Variants in PPP1CB observed in about 807,000 individuals in gnomAD.
The protein encoded by PPP1CB is protein phosphatase 1 catalytic subunit beta, also known as serine/threonine-protein phosphatase PP1-beta catalytic subunit.
PPP1CB carries 2 observed loss-of-function variants against 43.7 expected under a neutral mutation model. The ratio of observed to expected loss-of-function variants is 0.05; its 90% CI spans 0.02 to 0.14. The LOEUF (loss-of-function observed/expected upper bound fraction) is 0.14, where lower values mean the gene tolerates loss of function less well. Ranked by LOEUF, PPP1CB falls within the 10% of genes least tolerant of loss-of-function variation. PPP1CB has a pLI of 1.00. For missense variants in PPP1CB, 84 were observed against 398.0 expected, an observed-to-expected ratio of 0.21 and a Z score of 6.71; for synonymous variants, 136 against 135.6, an observed-to-expected ratio of 1.00 and a Z score of -0.02.
intron 1 of PPP1CB, 123 bp downstream of exon 1, chr2:28,752,299 G>C: frequency 1.1e-6 from 1 of 950,872 alleles, no homozygotes; most frequent in Non-Finnish European, 1.5e-6. Flanking sequence ...CTCTGGGAGC[G>C]CGGCGCGGCG....
chr2:28,756,248 G>A (rs1666486402), intron 1 of PPP1CB, among the ~76,000 whole-genome samples: 1 of 152,208 alleles, frequency 6.6e-6, no homozygotes, highest in African/African-American at 2.4e-5. Flanking sequence ...AATATGAGTT[G>A]TAGAATATTA....
intron 1 of PPP1CB, among the ~76,000 whole-genome samples, chr2:28,758,386 AT>A (rs1232579005): frequency 1.3e-5 from 2 of 152,194 alleles, no homozygotes; most frequent in African/African-American, 2.4e-5. Flanking sequence ...CTGAAAGGTT[AT>A]TCTCGAATGT....
chr2:28,768,112 C>T lies in PPP1CB; in HGVS notation c.53-8739C>T, dbSNP rs78555942. Among the ~76,000 whole-genome samples the T allele has an allele frequency of 1.2e-3, 183 of 152,226 alleles. 1 individual carries two copies. The highest frequency in any genetic ancestry group is 2.3e-3 in the Non-Finnish European group (154 of 68,022). On this transcript the variant is annotated intron_variant, in intron 1 of 7. Coordinates refer to ENST00000395366, the MANE Select transcript of PPP1CB (RefSeq NM_002709.3). Reference sequence around the variant, plus strand: ...GCATAATCACATTTTGTGTGCCTCTCGGCAGCCATTCCATTGTTGAAGAGG... The same window carrying T: ...GCATAATCACATTTTGTGTGCCTCTTGGCAGCCATTCCATTGTTGAAGAGG...
chr2:28,768,405 A>G (rs72784012), intron 1 of PPP1CB, among the ~76,000 whole-genome samples: 2,910 of 152,318 alleles, frequency 0.019, 39 homozygotes, highest in Non-Finnish European at 0.028. Flanking sequence ...AGGTCCCTCT[A>G]AAGTCATTGA....
In PPP1CB at chr2:28,778,981, C is replaced by G; in HGVS notation, c.357C>G (p.Leu119=). Residue 119 remains leucine, a synonymous_variant, in exon 3 of 8, where the codon CTC becomes CTG. Transcript: ENST00000395366. ...YKIKYPENFF[L]LRGNHECASI... ...TCAAATATCCAGAGAACTTCTTTCT[C>G]TTAAGAGGAAACCATGAGTGTGCTA... 1 of 1,612,402 alleles carries G rather than the reference C, an allele frequency of 6.2e-7. No homozygotes were observed. Among genetic ancestry groups the G allele is most frequent in the African/African-American group, 1.3e-5 (1 of 75,030 alleles).
Position 28,800,118 on chromosome 2 carries a change from T to G in PPP1CB, c.*815T>G, listed in dbSNP as rs542586754. The stretch of plus-strand genomic sequence containing the variant: ...TTACCCAACTAGTTGGTAATGTGAT[T>G]ATGTGGTACCTTGGCTTTAGGTTTT... On this transcript the variant is annotated 3_prime_UTR_variant, in exon 8 of 8. Transcript: ENST00000395366. 6.6e-6 allele frequency: 1 copy of G among 152,596 alleles called. No homozygotes were observed. The highest frequency in any genetic ancestry group is 2.1e-4 in the South Asian group (1 of 4,830). The allele number at this position is 152,596 out of a possible 1,614,324, so 9.5% of individuals were successfully genotyped here.
At chr2:28,767,907 A>G (rs901332032) in intron 1 of PPP1CB, among the ~76,000 whole-genome samples, 2 of 152,150 alleles carry the variant, frequency 1.3e-5, no homozygotes, top group African/African-American at 4.8e-5. Context: ...GCCTTTCCTA[A>G]TGTAAACATG....
chr2:28,790,193 G>A (rs909579786), intron 6 of PPP1CB, among the ~76,000 whole-genome samples: 1 of 152,210 alleles, frequency 6.6e-6, no homozygotes, highest in East Asian at 1.9e-4. Flanking sequence ...TGGCAGGAAA[G>A]TCGCTTGAGC....
intron 1 of PPP1CB, among the ~76,000 whole-genome samples, chr2:28,770,231 C>G (rs972434042): frequency 2.6e-5 from 4 of 152,228 alleles, no homozygotes; most frequent in African/African-American, 9.6e-5. Flanking sequence ...CCGCTGCACT[C>G]CAGCCTGGGT....
chr2:28,759,113 C>T (rs1666577939), intron 1 of PPP1CB, among the ~76,000 whole-genome samples: 1 of 152,194 alleles, frequency 6.6e-6, no homozygotes, highest in African/African-American at 2.4e-5. Context: ...TAGAATGGAA[C>T]TGAGAAATTC....
rs1667056676 is a variant in PPP1CB at position 28,776,936 on chromosome 2, C to T, written c.138C>T (p.Leu46=). The T allele has an allele frequency of 6.2e-7, 1 of 1,613,452 alleles. No homozygotes were observed. The highest frequency in any genetic ancestry group is 1.7e-5 in the Admixed American group (1 of 59,996). The change falls in exon 2 of 8, where the codon CTC becomes CTT. Residue 46 remains leucine (L), a synonymous_variant. Coordinates refer to ENST00000395366, the MANE Select transcript of PPP1CB (RefSeq NM_002709.3). ...GLCIKSREIF[L]SQPILLELEA... is the part of the protein sequence containing the mutation. ...GTATCAAGTCTCGGGAGATCTTTCT[C>T]AGCCAGCCTATTCTTTTGGAATTGG...
Position 28,801,056 on chromosome 2 carries a change from T to G in PPP1CB, c.*1753T>G, listed in dbSNP as rs183167479. The G allele has an allele frequency of 6.6e-6, 1 of 152,666 alleles. No individual in the cohort carries two copies. The highest frequency in any genetic ancestry group is 1.5e-5 in the Non-Finnish European group (1 of 67,944). The allele number at this position is 152,666 out of a possible 1,614,324, so 9.5% of individuals were successfully genotyped here. ...TAATTGATATGAAGCCTGACTGATTTTTTTTTTCCTTACAGTGAGACATTT... is the reference window on the plus strand; with the variant it reads ...TAATTGATATGAAGCCTGACTGATTGTTTTTTTCCTTACAGTGAGACATTT... On this transcript the variant is annotated 3_prime_UTR_variant, in exon 8 of 8. Transcript: ENST00000395366.
chr2:28,755,451 T>C (rs929424287), intron 1 of PPP1CB, among the ~76,000 whole-genome samples: 2 of 152,352 alleles, frequency 1.3e-5, no homozygotes, highest in Middle Eastern at 6.8e-3. Context: ...TCTTTCGGTA[T>C]GTTTTCTTGG....
At chr2:28,760,433 T>C (rs991322543) in intron 1 of PPP1CB, among the ~76,000 whole-genome samples, 2 of 152,268 alleles carry the variant, frequency 1.3e-5, no homozygotes, top group African/African-American at 4.8e-5. Flanking sequence ...CACATTGTGT[T>C]ACAGTAGCCT....
rs1172368656 is a variant in PPP1CB, at chr2:28,751,949, G to T, written c.-176G>T. 4.6e-6 allele frequency: 3 copies of T among 657,768 alleles called. No individual in the cohort carries two copies. The highest frequency in any genetic ancestry group is 4.6e-5 in the Admixed American group (2 of 43,174). The allele number at this position is 657,768 out of a possible 1,614,324, so 40.7% of individuals were successfully genotyped here. ...CGTGGGTGCCTCCGAGTGTGCGCGCGCTCTCGCTACCCGGCGGGGAGGGGG... is the reference window on the plus strand; with the variant it reads ...CGTGGGTGCCTCCGAGTGTGCGCGCTCTCTCGCTACCCGGCGGGGAGGGGG... On this transcript the variant is annotated 5_prime_UTR_variant, in exon 1 of 8. Transcript: ENST00000395366.
intron 5 of PPP1CB, among the ~76,000 whole-genome samples, chr2:28,785,404 TTGTTG>T (rs1667245876): frequency 6.6e-6 from 1 of 152,132 alleles, no homozygotes; most frequent in South Asian, 2.1e-4. Context: ...ATAACACGAC[TTGTTG>T]TGTTGATTAT....
chr2:28,792,480 C>A (rs1174176471), intron 6 of PPP1CB, among the ~76,000 whole-genome samples: 1 of 152,128 alleles, frequency 6.6e-6, no homozygotes, highest in Non-Finnish European at 1.5e-5. Flanking sequence ...CAAGATTGCA[C>A]CACTACACTC....
chr2:28,762,055 G>A (rs909201217), intron 1 of PPP1CB, among the ~76,000 whole-genome samples: 1 of 152,182 alleles, frequency 6.6e-6, no homozygotes, highest in Non-Finnish European at 1.5e-5. Context: ...AGGCCGAGGC[G>A]GGTGGAATTG....
intron 6 of PPP1CB, among the ~76,000 whole-genome samples, chr2:28,789,750 C>T (rs1165610937): frequency 1.3e-5 from 2 of 151,514 alleles, no homozygotes; most frequent in African/African-American, 2.4e-5. Flanking sequence ...AGGCACGCAC[C>T]ACCACGCCTG....
Sources: allele counts gnomAD v4.1 joint callset (sites outside exome capture counted in the v4.1 genomes callset), GRCh38; gene constraint gnomAD v4.1.1; transcripts MANE v1.5; gene names NCBI Gene and HGNC (gene_info 2026-07-23, HGNC 2026-07-21).